The following PTPRK variants were observed in gnomAD, a reference collection of about 807,000 sequenced individuals.
PTPRK encodes receptor-type tyrosine-protein phosphatase kappa.
In PTPRK, 75 loss-of-function variants were observed where a neutral mutation model predicts 178.0. That is an observed-to-expected ratio of 0.42 (90% CI 0.35 to 0.51). The LOEUF (loss-of-function observed/expected upper bound fraction) is 0.51. PTPRK is among the 20% of genes least tolerant of loss of function. PTPRK has a pLI of 0.02. For missense variants in PTPRK, 1,441 were observed against 1,797.8 expected, an observed-to-expected ratio of 0.80 and a Z score of 3.59; for synonymous variants, 637 against 620.6, an observed-to-expected ratio of 1.03 and a Z score of -0.39.
At chr6:128,135,078 TCACACACACA>T (rs34254716) in intron 7 of PTPRK, among the ~76,000 whole-genome samples, 12 of 136,276 alleles carry the variant, frequency 8.8e-5, no homozygotes, top group Admixed American at 5.9e-4. Flanking sequence ...AATCATTCAA[TCACACACACA>T]CACACACACA....
At chr6:128,509,503 A>G (rs766401841) in intron 1 of PTPRK, among the ~76,000 whole-genome samples, 2 of 151,920 alleles carry the variant, frequency 1.3e-5, no homozygotes, top group African/African-American at 2.4e-5. Flanking sequence ...CAGCATACAC[A>G]CTTTTTGTGC....
intron 3 of PTPRK, among the ~76,000 whole-genome samples, chr6:128,277,698 T>C (rs189365942): frequency 1.3e-5 from 2 of 152,324 alleles, no homozygotes; most frequent in East Asian, 3.9e-4. Flanking sequence ...ACTAACATTT[T>C]AACATGATTT....
chr6:128,331,486 A>G (rs2128325923), intron 2 of PTPRK, among the ~76,000 whole-genome samples: 1 of 152,294 alleles, frequency 6.6e-6, no homozygotes, highest in African/African-American at 2.4e-5. Context: ...AAAGAGAAAA[A>G]AAAAGAGTAA....
chr6:128,456,627 A>G (rs1156344141), intron 1 of PTPRK, among the ~76,000 whole-genome samples: 1 of 152,140 alleles, frequency 6.6e-6, no homozygotes. Context: ...CACAGAGATT[A>G]CATAATTTAA....
intron 1 of PTPRK, among the ~76,000 whole-genome samples, chr6:128,460,620 G>A (rs1055606849): frequency 6.6e-6 from 1 of 152,090 alleles, no homozygotes; most frequent in Non-Finnish European, 1.5e-5. Flanking sequence ...CCAATTTGGG[G>A]GTGTTCCTTC....
chr6:127,973,586 C>A (rs1774186194), intron 28 of PTPRK, 78 bp downstream of exon 28: 1 of 1,536,406 alleles, frequency 6.5e-7, no homozygotes, highest in Non-Finnish European at 8.8e-7. Flanking sequence ...AAGATGCAAG[C>A]CAGATAGTCT....
chr6:128,518,980 G>A (rs1210155045), intron 1 of PTPRK: 1 of 481,254 alleles, frequency 2.1e-6, no homozygotes, highest in South Asian at 1.5e-5. Context: ...CCACAACAAC[G>A]TGAGAAACTG....
At chr6:128,306,652 C>A (rs1169123384) in intron 3 of PTPRK, among the ~76,000 whole-genome samples, 1 of 151,822 alleles carries the variant, frequency 6.6e-6, no homozygotes, top group Admixed American at 6.6e-5. Flanking sequence ...TAAAAATTAG[C>A]CGGGTGTGGT....
intron 1 of PTPRK, among the ~76,000 whole-genome samples, chr6:128,480,537 C>T (rs1341937736): frequency 6.6e-6 from 1 of 152,170 alleles, no homozygotes; most frequent in Non-Finnish European, 1.5e-5. Context: ...TGTCCTTATT[C>T]CTCACATATG....
chr6:128,072,603 A>G (rs1023311455), intron 11 of PTPRK, among the ~76,000 whole-genome samples: 2 of 152,048 alleles, frequency 1.3e-5, no homozygotes, highest in Non-Finnish European at 2.9e-5. Flanking sequence ...ATAAATTACC[A>G]CATTCCTTAC....
In PTPRK at chr6:128,067,773, C is replaced by G; in HGVS notation, c.1903G>C (p.Glu635Gln). The G allele has an allele frequency of 1.9e-6, 3 of 1,602,380 alleles. No individual in the cohort carries two copies. The highest frequency in any genetic ancestry group is 2.6e-6 in the Non-Finnish European group (3 of 1,173,454). The change falls in exon 12 of 30, where the codon GAA (glutamate) becomes CAA (glutamine). Residue 635 changes from glutamate to glutamine, a missense_variant. Glu to Gln is a conservative substitution (Grantham distance 29). Around this residue, in one of 4 missense-constraint regions of PTPRK, gnomAD observed 945 missense variants for 1,080.6 expected, o/e 0.87. Coordinates refer to ENST00000368226, the MANE Select transcript of PTPRK (RefSeq NM_002844.4). ...TTGGTTCGGTGTGGGTGCAGTTCTT[C>G]CACAACAATCTGATAAGCACTTTGG... ...APISAYQIVVEELHPHRTKRE... is the reference protein window; with the variant it reads ...APISAYQIVVQELHPHRTKRE...
At chr6:128,323,270 T>G (rs1829082889) in intron 2 of PTPRK, among the ~76,000 whole-genome samples, 1 of 152,034 alleles carries the variant, frequency 6.6e-6, no homozygotes, top group South Asian at 2.1e-4. Context: ...CAGAAAACTC[T>G]CCAGTAAGAC....
At chr6:128,389,821 A>C (rs1839303922) in intron 2 of PTPRK, among the ~76,000 whole-genome samples, 1 of 151,962 alleles carries the variant, frequency 6.6e-6, no homozygotes, top group Admixed American at 6.6e-5. Context: ...ATGTACCTGA[A>C]ATATCAGGAA....
chr6:128,394,222 C>G (rs935916943), intron 2 of PTPRK, among the ~76,000 whole-genome samples: 2 of 152,164 alleles, frequency 1.3e-5, no homozygotes, highest in Admixed American at 1.3e-4. Flanking sequence ...ATTTGCAGTA[C>G]AATATTTCAC....
chr6:128,272,921 G>T (rs900587986), intron 3 of PTPRK, among the ~76,000 whole-genome samples: 7 of 152,158 alleles, frequency 4.6e-5, no homozygotes, highest in African/African-American at 7.2e-5. Context: ...TATGTTTATT[G>T]TGGCACTATT....
intron 3 of PTPRK, among the ~76,000 whole-genome samples, chr6:128,313,318 T>C (rs553938119): frequency 4.7e-4 from 71 of 152,306 alleles, no homozygotes; most frequent in African/African-American, 1.5e-3. Flanking sequence ...CACCTAATTG[T>C]TATATTGTCT....
At chr6:128,200,292 T>C (rs1416202262) in intron 6 of PTPRK, among the ~76,000 whole-genome samples, 2 of 152,162 alleles carry the variant, frequency 1.3e-5, no homozygotes, top group Non-Finnish European at 2.9e-5. Flanking sequence ...GGTAAGCAAA[T>C]GTAGAAATGG....
chr6:128,451,411 T>C (rs927762419), intron 1 of PTPRK, among the ~76,000 whole-genome samples: 4 of 152,290 alleles, frequency 2.6e-5, no homozygotes, highest in African/African-American at 7.2e-5. Context: ...ACTTTTGGCA[T>C]AGTATAAAAG....
intron 3 of PTPRK, among the ~76,000 whole-genome samples, chr6:128,249,280 C>G (rs914300679): frequency 2.8e-5 from 4 of 144,386 alleles, no homozygotes; most frequent in African/African-American, 1.0e-4. Flanking sequence ...TGATCAAAAT[C>G]TATCATGTGG....
Sources: gnomAD v4.1 joint callset for allele counts (sites outside exome capture counted in the v4.1 genomes callset) on GRCh38, gnomAD v4.1.1 for gene constraint, gnomAD v4.1.1 regional missense constraint, MANE v1.5 for transcripts, NCBI Gene and HGNC (gene_info 2026-07-23, HGNC 2026-07-21) for gene names.